Variants in RORA observed in about 807,000 individuals in gnomAD.
The protein encoded by RORA is nuclear receptor ROR-alpha.
Under a neutral mutation model 69.5 loss-of-function variants are expected in RORA, and 7 were observed. The observed-to-expected ratio is 0.10, with a 90% CI of 0.06 to 0.19. RORA has a LOEUF of 0.19. RORA is among the 10% of genes least tolerant of loss of function. RORA has a pLI of 1.00. For missense variants in RORA, 457 were observed against 663.0 expected, an observed-to-expected ratio of 0.69 and a Z score of 3.41; for synonymous variants, 261 against 240.8, an observed-to-expected ratio of 1.08 and a Z score of -0.78.
At chr15:60,848,327 A>ATCCTG (rs890108482) in intron 1 of RORA, 3 of 152,232 alleles carry the variant, frequency 2.0e-5, no homozygotes, top group Admixed American at 2.0e-4. Flanking sequence ...TGGGGAGATG[A>ATCCTG]TCCTGGGTTA....
At chr15:60,915,812 C>G (rs1891857009) in intron 1 of RORA, among the ~76,000 whole-genome samples, 1 of 152,130 alleles carries the variant, frequency 6.6e-6, no homozygotes, top group African/African-American at 2.4e-5. Context: ...GGGCCAAGAA[C>G]AACATATTTA....
chr15:60,575,250 C>T (rs1194505198), intron 2 of RORA, among the ~76,000 whole-genome samples: 1 of 152,206 alleles, frequency 6.6e-6, no homozygotes, highest in Non-Finnish European at 1.5e-5. Flanking sequence ...TTCACTTTTT[C>T]CTTCCCATTT....
intron 1 of RORA, among the ~76,000 whole-genome samples, chr15:61,056,155 A>T (rs1289800286): frequency 1.3e-5 from 2 of 152,230 alleles, no homozygotes; most frequent in African/African-American, 4.8e-5. Flanking sequence ...ATAAGAAACC[A>T]GGAAATGACA....
intron 4 of RORA, among the ~76,000 whole-genome samples, chr15:60,513,273 C>G (rs1200120478): frequency 6.6e-6 from 1 of 152,168 alleles, no homozygotes; most frequent in Non-Finnish European, 1.5e-5. Flanking sequence ...ATTTCTTAAC[C>G]TCCAGAATTC....
At chr15:61,159,617 T>A (rs1323782764) in intron 1 of RORA, among the ~76,000 whole-genome samples, 2 of 152,164 alleles carry the variant, frequency 1.3e-5, no homozygotes, top group Admixed American at 6.5e-5. Context: ...AAACCTAACA[T>A]CGTGTTCCAA....
At chr15:61,140,736 G>A (rs1279140805) in intron 1 of RORA, among the ~76,000 whole-genome samples, 1 of 152,162 alleles carries the variant, frequency 6.6e-6, no homozygotes, top group African/African-American at 2.4e-5. Context: ...TTTATCAGGG[G>A]TCAGCCCTTT....
chr15:60,928,625 ACT>A (rs1483853287), intron 1 of RORA, among the ~76,000 whole-genome samples: 2 of 152,152 alleles, frequency 1.3e-5, no homozygotes, highest in African/African-American at 4.8e-5. Context: ...ACTGAAAAAG[ACT>A]CTGAGTTTGT....
intron 1 of RORA, among the ~76,000 whole-genome samples, chr15:60,860,079 C>A (rs1034910548): frequency 2.6e-5 from 4 of 152,186 alleles, no homozygotes; most frequent in African/African-American, 7.2e-5. Flanking sequence ...TGATGGGAAG[C>A]TGGCATGACT....
At chr15:60,754,155 A>C (rs923742158) in intron 1 of RORA, among the ~76,000 whole-genome samples, 1 of 152,224 alleles carries the variant, frequency 6.6e-6, no homozygotes, top group African/African-American at 2.4e-5. Flanking sequence ...TTTGGGTAGA[A>C]ATCCATATTC....
intron 2 of RORA, among the ~76,000 whole-genome samples, chr15:60,656,615 A>C (rs140870631): frequency 6.6e-6 from 1 of 152,302 alleles, no homozygotes; most frequent in African/African-American, 2.4e-5. Flanking sequence ...TTGGAATATA[A>C]CTTAGTTAAG....
intron 2 of RORA, among the ~76,000 whole-genome samples, chr15:60,555,391 T>C (rs1045032771): frequency 1.3e-5 from 2 of 152,114 alleles, no homozygotes; most frequent in African/African-American, 4.8e-5. Flanking sequence ...TATATTGGTT[T>C]CAAGGAGCAA....
intron 2 of RORA, among the ~76,000 whole-genome samples, chr15:60,625,979 TG>T (rs2069566720): frequency 6.6e-6 from 1 of 152,262 alleles, no homozygotes; most frequent in East Asian, 1.9e-4. Context: ...TTTCTAGGGA[TG>T]GGGGTCGACA....
At chr15:60,720,347 G>A (rs1360484428) in intron 1 of RORA, among the ~76,000 whole-genome samples, 1 of 152,196 alleles carries the variant, frequency 6.6e-6, no homozygotes, top group Non-Finnish European at 1.5e-5. Flanking sequence ...TCCTATTTGG[G>A]TTGTAAAGTT....
chr15:60,516,380 T>C (rs974695196), intron 3 of RORA, among the ~76,000 whole-genome samples: 5 of 145,426 alleles, frequency 3.4e-5, no homozygotes, highest in Non-Finnish European at 7.4e-5. Flanking sequence ...ATTACAGGCA[T>C]GATCCACCTT....
intron 1 of RORA, among the ~76,000 whole-genome samples, chr15:60,836,988 T>G (rs753074183): frequency 6.6e-6 from 1 of 151,764 alleles, no homozygotes; most frequent in African/African-American, 2.4e-5. Context: ...AATCCTTCAG[T>G]GGCTCCCTAA....
At chr15:61,110,586 G>A (rs530009494) in intron 1 of RORA, among the ~76,000 whole-genome samples, 3 of 152,200 alleles carry the variant, frequency 2.0e-5, no homozygotes, top group East Asian at 3.9e-4. Context: ...TATTCCAGAA[G>A]GAGGCATTGC....
At chr15:60,908,840 A>T (rs1310286134) in intron 1 of RORA, among the ~76,000 whole-genome samples, 1 of 152,104 alleles carries the variant, frequency 6.6e-6, no homozygotes, top group African/African-American at 2.4e-5. Context: ...GGTATACTGA[A>T]GATGGGCGTT....
chr15:60,987,655 A>G (rs1239652670), intron 1 of RORA, among the ~76,000 whole-genome samples: 1 of 152,214 alleles, frequency 6.6e-6, no homozygotes, highest in Non-Finnish European at 1.5e-5. Context: ...CTCCCCAGAC[A>G]TTCTTGAGGG....
intron 1 of RORA, among the ~76,000 whole-genome samples, chr15:60,887,141 TGAGAGA>T (rs3053903): frequency 0.023 from 3,426 of 147,908 alleles, 52 homozygotes; most frequent in Middle Eastern, 0.051. Flanking sequence ...TTGCCAGAGC[TGAGAGA>T]GAGAGAGAGA....
Sources: gnomAD v4.1 joint callset for allele counts (sites outside exome capture counted in the v4.1 genomes callset) on GRCh38, gnomAD v4.1.1 for gene constraint, MANE v1.5 for transcripts, NCBI Gene and HGNC (gene_info 2026-07-23, HGNC 2026-07-21) for gene names.